SCD5: variants seen among roughly 807,000 people sequenced by gnomAD.
SCD5 encodes the protein stearoyl-CoA desaturase 5.
A neutral mutation model predicts 30.4 loss-of-function variants in SCD5; 20 were observed. The ratio of observed to expected loss-of-function variants is 0.66; its 90% CI spans 0.46 to 0.96. The LOEUF (loss-of-function observed/expected upper bound fraction) is 0.96. Among genes scored for constraint, SCD5 ranks in the 40% least tolerant of loss-of-function variants. The pLI is 0.00. For synonymous variants in SCD5, 173 were observed against 176.4 expected, an observed-to-expected ratio of 0.98 and a Z score of 0.16; for missense variants, 381 against 443.3, an observed-to-expected ratio of 0.86 and a Z score of 1.26.
At chr4:82,639,300 G>T (rs1009031849) in intron 3 of SCD5, among the ~76,000 whole-genome samples, 1 of 152,164 alleles carries the variant, frequency 6.6e-6, no homozygotes, top group African/African-American at 2.4e-5. Flanking sequence ...CTTAGAGGTG[G>T]CCTTCTAGAG....
chr4:82,680,157 G>A (rs572211563), intron 3 of SCD5, among the ~76,000 whole-genome samples: 3 of 152,282 alleles, frequency 2.0e-5, no homozygotes, highest in South Asian at 2.1e-4. Context: ...ATGCTCAGCC[G>A]ACACCATCAG....
chr4:82,784,604 GT>G (rs1345562260), intron 1 of SCD5, among the ~76,000 whole-genome samples: 1 of 152,170 alleles, frequency 6.6e-6, no homozygotes, highest in Non-Finnish European at 1.5e-5. Context: ...ATTCAGACAA[GT>G]GAGTGAAAGC....
rs1041249993 is a variant in SCD5 at position 82,793,702 on chromosome 4, T to C, written c.232+4604A>G. On this transcript the variant is annotated intron_variant, in intron 1 of 4. Transcript: ENST00000319540. Reference sequence around the variant, plus strand: ...TGCTCAGTGATTTACACATATCATCTAATTTGATTCTCACAACTTTAGGAA... The same window carrying C: ...TGCTCAGTGATTTACACATATCATCCAATTTGATTCTCACAACTTTAGGAA... Among the ~76,000 whole-genome samples the C allele has an allele frequency of 3.9e-5, 6 of 152,332 alleles. No homozygotes were observed. In the East Asian group the frequency reaches 1.2e-3, roughly 29 times the overall value.
chr4:82,748,590 T>C (rs1721041381), intron 1 of SCD5, among the ~76,000 whole-genome samples: 1 of 152,204 alleles, frequency 6.6e-6, no homozygotes, highest in African/African-American at 2.4e-5. Context: ...AAAGCATCTT[T>C]ATTACTCCAG....
intron 1 of SCD5, among the ~76,000 whole-genome samples, chr4:82,725,637 A>G (rs1380990834): frequency 6.6e-6 from 1 of 152,170 alleles, no homozygotes; most frequent in Non-Finnish European, 1.5e-5. Context: ...AGGTGGGCAG[A>G]TCATTTGAGA....
chr4:82,637,878 A>C (rs1449288868), intron 3 of SCD5, among the ~76,000 whole-genome samples: 1 of 151,950 alleles, frequency 6.6e-6, no homozygotes, highest in African/African-American at 2.4e-5. Flanking sequence ...TCTTTTTAAA[A>C]ATTTTTAAGT....
chr4:82,665,746 T>C (rs1245271787), intron 3 of SCD5, among the ~76,000 whole-genome samples: 2 of 152,086 alleles, frequency 1.3e-5, no homozygotes, highest in African/African-American at 2.4e-5. Context: ...GATACACACA[T>C]ACAAAAATAA....
At position 82,655,288 on chromosome 4, in the gene SCD5, T is replaced by C. The variant is rs149304149; in HGVS notation, c.570-18465A>G. ...AATACCTCTACTTATAAATTTTCCA[T>C]TTAAGGAAGTTCACAGGTATGAACA... On this transcript the variant is annotated intron_variant, in intron 3 of 4. Transcript: ENST00000319540. Among the ~76,000 whole-genome samples, 320 of 152,284 alleles carry C rather than the reference T, an allele frequency of 2.1e-3. 9 individuals are homozygous for C. The East Asian group carries it at 0.055, about 26-fold the overall frequency.
chr4:82,783,798 T>C (rs576969392), intron 1 of SCD5, among the ~76,000 whole-genome samples: 66 of 147,050 alleles, frequency 4.5e-4, no homozygotes, highest in Non-Finnish European at 7.3e-4. Context: ...AGTGAAACTC[T>C]GTCTCAAAAA....
intron 1 of SCD5, among the ~76,000 whole-genome samples, chr4:82,794,775 G>A (rs1382364235): frequency 3.3e-5 from 5 of 151,492 alleles, no homozygotes; most frequent in Non-Finnish European, 2.9e-5. Context: ...TCAGCCTCCC[G>A]AGTAGCTGGG....
chr4:82,753,790 CCT>C (rs1721162368), intron 1 of SCD5, among the ~76,000 whole-genome samples: 2 of 152,232 alleles, frequency 1.3e-5, no homozygotes, highest in African/African-American at 2.4e-5. Context: ...CACATACCCC[CCT>C]GACAGAAGTC....
intron 1 of SCD5, among the ~76,000 whole-genome samples, chr4:82,720,392 A>G (rs139671889): frequency 1.4e-5 from 2 of 138,338 alleles, no homozygotes; most frequent in Non-Finnish European, 3.0e-5. Context: ...GTAATCATGA[A>G]CTCCAGCCTG....
intron 2 of SCD5, among the ~76,000 whole-genome samples, chr4:82,691,294 G>A (rs1206349614): frequency 6.6e-6 from 1 of 152,158 alleles, no homozygotes; most frequent in Non-Finnish European, 1.5e-5. Flanking sequence ...CCCAAGTGTT[G>A]GGATTACAGC....
At chr4:82,794,806 C>T (rs562794932) in intron 1 of SCD5, among the ~76,000 whole-genome samples, 3 of 152,080 alleles carry the variant, frequency 2.0e-5, no homozygotes, top group Non-Finnish European at 2.9e-5. Flanking sequence ...CCCACCACCA[C>T]GCCCGGCTAA....
intron 1 of SCD5, among the ~76,000 whole-genome samples, chr4:82,747,059 T>C (rs1273004814): frequency 2.0e-5 from 2 of 99,824 alleles, no homozygotes; most frequent in African/African-American, 2.9e-5. Context: ...GAGAAAAGTC[T>C]GGGCAACCTG....
At chr4:82,747,231 C>T (rs1721015598) in intron 1 of SCD5, among the ~76,000 whole-genome samples, 1 of 152,194 alleles carries the variant, frequency 6.6e-6, no homozygotes, top group Non-Finnish European at 1.5e-5. Context: ...ATGTACCAGG[C>T]ACTGTGCTAA....
intron 3 of SCD5, among the ~76,000 whole-genome samples, chr4:82,637,813 T>C (rs527377374): frequency 1.1e-3 from 168 of 152,320 alleles, no homozygotes; most frequent in African/African-American, 3.8e-3. Flanking sequence ...TGAGTCCAAA[T>C]CTGATTATAT....
intron 1 of SCD5, among the ~76,000 whole-genome samples, chr4:82,720,676 C>T (rs567494393): frequency 1.3e-5 from 2 of 152,264 alleles, no homozygotes; most frequent in South Asian, 2.1e-4. Flanking sequence ...GGTACTCATT[C>T]CCCAACTACT....
intron 3 of SCD5, among the ~76,000 whole-genome samples, chr4:82,676,374 G>A (rs1242950842): frequency 6.6e-6 from 1 of 152,134 alleles, no homozygotes; most frequent in Non-Finnish European, 1.5e-5. Flanking sequence ...TCACGGATAG[G>A]TTCACCCCAA....
Sources: allele counts gnomAD v4.1 joint callset (sites outside exome capture counted in the v4.1 genomes callset), GRCh38; gene constraint gnomAD v4.1.1; transcripts MANE v1.5; gene names NCBI Gene and HGNC (gene_info 2026-07-23, HGNC 2026-07-21).